The following MTMR8 variants were observed in gnomAD, a reference collection of about 807,000 sequenced individuals.
The protein encoded by MTMR8 is phosphatidylinositol-3,5-bisphosphate 3-phosphatase MTMR8.
Under a neutral mutation model 39.3 loss-of-function variants are expected in MTMR8, and 65 were observed. The observed-to-expected ratio is 1.65, with a 90% CI of 1.35 to 2.03. MTMR8 has a LOEUF of 2.03. MTMR8 is among the 30% of genes most tolerant of loss of function. The pLI, the probability that MTMR8 is intolerant of heterozygous loss-of-function variation, is 0.00. For synonymous variants in MTMR8, 245 were observed against 185.2 expected, an observed-to-expected ratio of 1.32 and a Z score of -2.62; for missense variants, 777 against 538.9, an observed-to-expected ratio of 1.44 and a Z score of -4.37.
intron 8 of MTMR8, among the ~76,000 whole-genome samples, chrX:64,339,594 G>T (rs1216968106): frequency 9.0e-6 from 1 of 111,638 alleles, no homozygotes; most frequent in Non-Finnish European, 1.9e-5. Context: ...GATTGAAAAA[G>T]TACTTTTTCT....
intron 12 of MTMR8, among the ~76,000 whole-genome samples, chrX:64,295,547 T>A (rs1921547086): frequency 9.0e-6 from 1 of 111,277 alleles, no homozygotes; most frequent in Non-Finnish European, 1.9e-5. Flanking sequence ...GGAGAAAATA[T>A]TTGCAGATCA....
At chrX:64,324,103 C>T (rs1236060186) in intron 12 of MTMR8, among the ~76,000 whole-genome samples, 1 of 112,628 alleles carries the variant, frequency 8.9e-6, no homozygotes, top group African/African-American at 3.2e-5. Flanking sequence ...TAGCTTATGC[C>T]TATAATCCCA....
chrX:64,381,505 C>T (rs1289384082), intron 1 of MTMR8, among the ~76,000 whole-genome samples: 1 of 104,764 alleles, frequency 9.5e-6, no homozygotes, highest in Non-Finnish European at 1.9e-5. Flanking sequence ...TGGATATTAG[C>T]CTTTTGTCAG....
intron 2 of MTMR8, among the ~76,000 whole-genome samples, chrX:64,358,634 G>T (rs1923690171): frequency 9.0e-6 from 1 of 111,170 alleles, no homozygotes; most frequent in African/African-American, 3.3e-5. Flanking sequence ...TGGCTCTAAA[G>T]CTTTAATCAC....
chrX:64,308,804 T>C (rs752157398), intron 12 of MTMR8, among the ~76,000 whole-genome samples: 196 of 111,757 alleles, frequency 1.8e-3, no homozygotes, highest in African/African-American at 6.4e-3. Context: ...TTCAATTTTT[T>C]TCTTTTTTAA....
intron 12 of MTMR8, among the ~76,000 whole-genome samples, chrX:64,276,179 A>G (rs1931868309): frequency 9.1e-6 from 1 of 110,485 alleles, no homozygotes; most frequent in African/African-American, 3.3e-5. Flanking sequence ...TCATGTCTCT[A>G]TCTCCTTCAG....
At chrX:64,298,443 T>G (rs1921710456) in intron 12 of MTMR8, among the ~76,000 whole-genome samples, 1 of 86,063 alleles carries the variant, frequency 1.2e-5, no homozygotes, top group Non-Finnish European at 2.1e-5. Context: ...CCTGAGACTT[T>G]GCTGAAGTTG....
intron 12 of MTMR8, among the ~76,000 whole-genome samples, chrX:64,302,533 G>A (rs1003201680): frequency 4.5e-5 from 5 of 111,945 alleles, no homozygotes; most frequent in Non-Finnish European, 9.4e-5. Context: ...CTTATGCGTC[G>A]CTCACGCTGG....
chrX:64,359,637 C>A (rs915225232), intron 1 of MTMR8, 110 bp from the exon 2 acceptor site: 2 of 805,148 alleles, frequency 2.5e-6, no homozygotes, highest in Admixed American at 3.1e-5. Context: ...AAACTCGAGT[C>A]TTTCCAGTTC....
chrX:64,371,017 C>A (rs774675592), intron 1 of MTMR8, among the ~76,000 whole-genome samples: 1 of 111,247 alleles, frequency 9.0e-6, no homozygotes, highest in South Asian at 3.8e-4. Context: ...ATTAGCCAGA[C>A]ATGGTGGTGC....
chrX:64,322,030 CTGTT>C (rs1332943167), intron 12 of MTMR8, among the ~76,000 whole-genome samples: 26 of 109,295 alleles, frequency 2.4e-4, no homozygotes, highest in Admixed American at 2.1e-3. Flanking sequence ...CTGTCGAATT[CTGTT>C]TGTTAGTATT....
chrX:64,317,414 G>T (rs186795554), intron 12 of MTMR8, among the ~76,000 whole-genome samples: 11 of 111,113 alleles, frequency 9.9e-5, no homozygotes, highest in Admixed American at 9.5e-4. Context: ...CTCCCAGACT[G>T]GGTACTTTCT....
intron 12 of MTMR8, among the ~76,000 whole-genome samples, chrX:64,292,784 C>A (rs1263388363): frequency 9.0e-6 from 1 of 111,133 alleles, no homozygotes; most frequent in African/African-American, 3.3e-5. Context: ...TGGCAGGGAG[C>A]AAACTCCACC....
In MTMR8 at chrX:64,302,437, G is replaced by A. The variant is rs1022853141; in HGVS notation, c.1481+26335C>T. On this transcript the variant is annotated intron_variant, in intron 12 of 13. Coordinates refer to ENST00000374852, the MANE Select transcript of MTMR8 (RefSeq NM_017677.4). ...CCCTGCTTCGGCTCGCGGACGGTGC[G>A]CACACCCACTGGCCTGCGCCCACTG... is the stretch of plus-strand genomic sequence containing the variant. Among the ~76,000 whole-genome samples the A allele has an allele frequency of 1.3e-4, 14 of 111,929 alleles. No individual in the cohort carries two copies. The South Asian group carries it at 1.9e-3, about 15-fold the overall frequency.
At chrX:64,297,956 C>G (rs1185163113) in intron 12 of MTMR8, among the ~76,000 whole-genome samples, 3 of 92,311 alleles carry the variant, frequency 3.2e-5, no homozygotes, top group Admixed American at 2.5e-4. Context: ...TGTTTTGGTA[C>G]CAGTACCATG....
chrX:64,395,446 G>A lies in MTMR8; in HGVS notation c.-83C>T, dbSNP rs376467802. On this transcript the variant is annotated 5_prime_UTR_variant, in exon 1 of 14. Coordinates refer to ENST00000374852, the MANE Select transcript of MTMR8 (RefSeq NM_017677.4). ...GTCTAGCCGCCTCCTGCCTCAACCC[G>A]GGTTTCTACCCCCGCCCTCCCGGTC... 260 of 1,049,268 alleles carry A rather than the reference G, an allele frequency of 2.5e-4. 2 individuals are homozygous for A. In the African/African-American group the frequency reaches 4.0e-3, roughly 16 times the overall value. 86.5% of individuals were successfully genotyped at this position (1,049,268 alleles called of 1,213,427 possible). A position where few individuals can be genotyped will look rare whatever the true frequency, so the allele number is the denominator to read the frequency against.
chrX:64,353,932 GAAAGA>G (rs1483343538), intron 4 of MTMR8, among the ~76,000 whole-genome samples: 1 of 110,472 alleles, frequency 9.1e-6, no homozygotes, highest in Non-Finnish European at 1.9e-5. Context: ...GTCTCAAAAA[GAAAGA>G]AAAGAAAACT....
intron 12 of MTMR8, among the ~76,000 whole-genome samples, chrX:64,271,548 T>C (rs901379383): frequency 8.9e-6 from 1 of 111,799 alleles, no homozygotes; most frequent in Non-Finnish European, 1.9e-5. Context: ...AACCAGATTG[T>C]AAACAAAACA....
intron 12 of MTMR8, among the ~76,000 whole-genome samples, chrX:64,296,687 G>A (rs1465509046): frequency 4.7e-5 from 5 of 105,904 alleles, no homozygotes; most frequent in Admixed American, 1.0e-4. Flanking sequence ...CCACTAACTC[G>A]TCATCTAGCA....
Sources: gnomAD v4.1 joint callset for allele counts (sites outside exome capture counted in the v4.1 genomes callset) on GRCh38, gnomAD v4.1.1 for gene constraint, MANE v1.5 for transcripts, NCBI Gene and HGNC (gene_info 2026-07-23, HGNC 2026-07-21) for gene names.